Variants in DHX38 observed in about 807,000 individuals in gnomAD.
DHX38 encodes the protein pre-mRNA-splicing factor ATP-dependent RNA helicase PRP16.
A neutral mutation model predicts 153.1 loss-of-function variants in DHX38; 100 were observed. The ratio of observed to expected loss-of-function variants is 0.65; its 90% confidence interval spans 0.56 to 0.77. The LOEUF is 0.77. Ranked by LOEUF, DHX38 falls within the 30% of genes least tolerant of loss-of-function variation. The pLI is 0.00. For synonymous variants in DHX38, 650 were observed against 631.7 expected (o/e 1.03, Z -0.43); for missense variants, 1,440 against 1,654.0 (o/e 0.87, Z 2.24).
intron 3 of DHX38, 40 bp downstream of exon 3, chr16:72,097,049 C>A: frequency 6.5e-7 from 1 of 1,549,588 alleles, no homozygotes; most frequent in South Asian, 1.2e-5. Flanking sequence ...CATTAGCATT[C>A]GAATAAATGT....
At chr16:72,111,345 G>A (rs770080964) in intron 26 of DHX38, among the ~76,000 whole-genome samples, 5 of 152,218 alleles carry the variant, frequency 3.3e-5, no homozygotes, top group African/African-American at 7.2e-5. Context: ...ACTCATGAGC[G>A]AGGGGGTTGG....
In DHX38 at chr16:72,098,748, G is replaced by A. The variant is rs1306400358; in HGVS notation, c.720G>A (p.Arg240=). ...WESPSPTPSY[R]DSERSHRLST... is the part of the protein sequence containing the mutation. ...CGCCCTCCCCGACGCCTTCCTATCG[G>A]GATTCTGAGCGGAGCCATCGGCTGT... The change falls in exon 5 of 27, where the codon CGG becomes CGA. Residue 240 remains arginine (R), a synonymous_variant. Coordinates refer to ENST00000268482, the MANE Select transcript of DHX38 (RefSeq NM_014003.4). The A allele has an allele frequency of 1.2e-6, 2 of 1,614,194 alleles. No individual in the cohort carries two copies.
intron 9 of DHX38, among the ~76,000 whole-genome samples, chr16:72,100,798 G>T (rs1293749473): frequency 6.6e-6 from 1 of 152,204 alleles, no homozygotes; most frequent in Non-Finnish European, 1.5e-5. Flanking sequence ...GTGGTGGCAG[G>T]CACCTGTAGT....
chr16:72,100,398 G>A (rs564808127), intron 8 of DHX38, 38 bp from the exon 9 acceptor site: 3 of 1,605,282 alleles, frequency 1.9e-6, no homozygotes, highest in Middle Eastern at 1.7e-4. Flanking sequence ...GACCTTTGGG[G>A]TGGCAATTTG....
chr16:72,112,642 C>A lies in DHX38; in HGVS notation c.*145C>A. 1.2e-6 allele frequency: 1 copy of A among 867,354 alleles called. No homozygotes were observed. Among genetic ancestry groups the A allele is most frequent in the Non-Finnish European group, 1.9e-6 (1 of 534,852 alleles). The allele number at this position is 867,354 out of a possible 1,614,324, so 53.7% of individuals were successfully genotyped here. ...CCCCCCAGGGCAGTTCCTGCTGGAC[C>A]AGACTCTCTGGCAGAGGAGGTGGAG... is the stretch of plus-strand genomic sequence containing the variant. On this transcript the variant is annotated 3_prime_UTR_variant, in exon 27 of 27. Coordinates refer to ENST00000268482, the MANE Select transcript of DHX38 (RefSeq NM_014003.4).
At chr16:72,111,984 A>G (rs953650543) in intron 26 of DHX38, among the ~76,000 whole-genome samples, 1 of 152,130 alleles carries the variant, frequency 6.6e-6, no homozygotes, top group African/African-American at 2.4e-5. Flanking sequence ...ACCAAGAGTC[A>G]CCTCATTAGC....
intron 10 of DHX38, 38 bp from the exon 11 acceptor site, chr16:72,101,462 G>A: frequency 1.3e-6 from 2 of 1,534,028 alleles, no homozygotes; most frequent in Admixed American, 2.0e-5. Flanking sequence ...TCGCAGTCAT[G>A]TGGCAGGATG....
At chr16:72,102,960 C>G in intron 11 of DHX38, 114 bp from the exon 12 acceptor site, 5 of 1,461,136 alleles carry the variant, frequency 3.4e-6, no homozygotes, top group Non-Finnish European at 3.7e-6. Flanking sequence ...GCTTTGGTGT[C>G]TCAGACTCTT....
In DHX38 at chr16:72,104,995, T is replaced by G; in HGVS notation, c.2152-32T>G. The G allele has an allele frequency of 6.2e-7, 1 of 1,604,416 alleles. No individual in the cohort carries two copies. The highest frequency in any genetic ancestry group is 8.5e-7 in the Non-Finnish European group (1 of 1,173,204). On this transcript the variant is annotated intron_variant, in intron 15 of 26. Coordinates refer to ENST00000268482, the MANE Select transcript of DHX38 (RefSeq NM_014003.4). The surrounding 1 kb of genome is among the most constrained non-coding windows in gnomAD (Gnocchi z 4.5). The stretch of plus-strand genomic sequence containing the variant: ...ATGCCCGGCCTGCGCTTCTAGTACC[T>G]CCCTCTGACTGTGTCCCCACTGCTG...
Position 72,096,222 on chromosome 16 carries a change from T to C in DHX38, c.65T>C (p.Val22Ala). 1 of 1,614,000 alleles carries C rather than the reference T, an allele frequency of 6.2e-7. No individual in the cohort carries two copies. The highest frequency in any genetic ancestry group is 1.3e-5 in the African/African-American group (1 of 75,018). ...GAAGGCACTGATCTGGACTGTCAGG[T>C]TGGTGGTCTTATTTGCAAGTCCAAA... ...RLEGTDLDCQ[V>A]GGLICKSKSA... The change falls in exon 2 of 27, where the codon GTT (valine) becomes GCT (alanine). Residue 22 changes from valine (V) to alanine (A), a missense_variant. Transcript: ENST00000268482.
Position 72,108,582 on chromosome 16 carries a change from A to T in DHX38, c.3230A>T (p.Tyr1077Phe), listed in dbSNP as rs2042215591. The change falls in exon 23 of 27, where the codon TAT becomes TTT. Residue 1077 changes from tyrosine to phenylalanine, a missense_variant. Transcript: ENST00000268482. ...DIVRKCICAA[Y>F]FHQAAKLKGI... ...GTCAGGAAGTGCATCTGTGCTGCCT[A>T]TTTCCACCAAGCAGCCAAGCTCAAG... 1 of 1,613,840 alleles carries T rather than the reference A, an allele frequency of 6.2e-7. No individual in the cohort carries two copies. The highest frequency in any genetic ancestry group is 1.7e-5 in the Admixed American group (1 of 59,986).
Position 72,100,436 on chromosome 16 carries a change from G to A in DHX38, c.1117G>A (p.Asp373Asn). The A allele has an allele frequency of 6.2e-7, 1 of 1,613,842 alleles. No homozygotes were observed. Among genetic ancestry groups the A allele is most frequent in the Non-Finnish European group, 8.5e-7 (1 of 1,179,824 alleles). The change falls in exon 9 of 27, where the codon GAT (aspartate) becomes AAT (asparagine). Residue 373 changes from aspartate to asparagine, a missense_variant and splice_region_variant. Asp to Asn is a conservative substitution (Grantham distance 23, BLOSUM62 1). Transcript: ENST00000268482. ...TGTGGCTCCCATTGTGTCCTCACAG[G>A]ATAACGAGCGCTGGGAGACAAACCG... ...ISAQRRQINE[D>N]NERWETNRML...
Position 72,096,305 on chromosome 16 carries a change from G to C in DHX38, c.148G>C (p.Gly50Arg). ...KAPAPRPSLL[G>R]LDLLASLKRR... ...TCCTGCTCCCCGCCCTTCATTACTC[G>C]GACTGGACTTGCTGGCTTCCCTGAA... The change falls in exon 2 of 27, where the codon GGA (glycine) becomes CGA (arginine). Residue 50 changes from glycine to arginine, a missense_variant. Physicochemically the swap from Gly to Arg is moderately radical, Grantham distance 125. Around this residue, in one of 6 missense-constraint regions of DHX38, gnomAD observed 483 missense variants for 465.1 expected, o/e 1.04. Coordinates refer to ENST00000268482, the MANE Select transcript of DHX38 (RefSeq NM_014003.4). 1 of 1,614,166 alleles carries C rather than the reference G, an allele frequency of 6.2e-7. No individual in the cohort carries two copies. The highest frequency in any genetic ancestry group is 8.5e-7 in the Non-Finnish European group (1 of 1,180,022).
At position 72,112,677 on chromosome 16, in the gene DHX38, G is replaced by A. The variant is rs1255544844; in HGVS notation, c.*180G>A. On this transcript the variant is annotated 3_prime_UTR_variant, in exon 27 of 27. Transcript: ENST00000268482. ...GGCAGAGGAGGTGGAGTTCTTCCAT[G>A]CAGGAGCACGGCATGGCGGGAGCGG... 5.4e-5 allele frequency: 40 copies of A among 737,014 alleles called. No homozygotes were observed. Among genetic ancestry groups the A allele is most frequent in the Non-Finnish European group, 9.6e-5 (40 of 416,284 alleles). 45.7% of individuals were successfully genotyped at this position (737,014 alleles called of 1,614,324 possible).
Position 72,098,758 on chromosome 16 carries a change from C to A in DHX38, c.730C>A (p.Arg244=). ...SPTPSYRDSE[R]SHRLSTRDRD... is the part of the protein sequence containing the mutation. ...GACGCCTTCCTATCGGGATTCTGAG[C>A]GGAGCCATCGGCTGTCCACTCGAGA... The change falls in exon 5 of 27, where the codon CGG becomes AGG. Residue 244 remains arginine (R), a synonymous_variant. Transcript: ENST00000268482. The A allele has an allele frequency of 6.2e-7, 1 of 1,614,128 alleles. No individual in the cohort carries two copies. Among genetic ancestry groups the A allele is most frequent in the East Asian group, 2.2e-5 (1 of 44,868 alleles).
chr16:72,098,640 C>T lies in DHX38; in HGVS notation c.617-5C>T. On this transcript the variant is annotated splice_polypyrimidine_tract_variant and splice_region_variant and intron_variant, in intron 4 of 26. Transcript: ENST00000268482. ...TTTCCTGTGGATGTGTCTTTTGTGGCCCAGATGCAGCCACCCCTTCAAGGT... is the reference window on the plus strand; with the variant it reads ...TTTCCTGTGGATGTGTCTTTTGTGGTCCAGATGCAGCCACCCCTTCAAGGT... The T allele has an allele frequency of 6.2e-7, 1 of 1,613,578 alleles. No individual in the cohort carries two copies. Among genetic ancestry groups the T allele is most frequent in the Middle Eastern group, 1.7e-4 (1 of 6,058 alleles).
chr16:72,103,874 C>T (rs571471641), intron 13 of DHX38, 72 bp from the exon 14 acceptor site: 19 of 1,601,402 alleles, frequency 1.2e-5, no homozygotes, highest in African/African-American at 9.4e-5. Context: ...TGCTAAGACT[C>T]GGACCCCAGT....
rs2042216319 is a variant in DHX38 at position 72,108,622 on chromosome 16, C to T, written c.3255+15C>T. ...CCAAGCTCAAGGTGAACCCAGGAGC[C>T]CAGTGAGCCCCTCCCAGCCTGATAC... On this transcript the variant is annotated intron_variant, in intron 23 of 26. Coordinates refer to ENST00000268482, the MANE Select transcript of DHX38 (RefSeq NM_014003.4). 6.2e-7 allele frequency: 1 copy of T among 1,611,502 alleles called. No homozygotes were observed. Among genetic ancestry groups the T allele is most frequent in the South Asian group, 1.1e-5 (1 of 90,832 alleles).
chr16:72,103,822 T>C (rs372107711), intron 13 of DHX38, 34 bp downstream of exon 13: 16 of 1,601,396 alleles, frequency 1.0e-5, no homozygotes, highest in Middle Eastern at 3.3e-4. Context: ...CATGTAGTTA[T>C]TCCCTAGTAG....
Sources: gnomAD v4.1 joint callset for allele counts (sites outside exome capture counted in the v4.1 genomes callset) on GRCh38, gnomAD v4.1.1 for gene constraint, gnomAD v4.1.1 regional missense constraint, Gnocchi (gnomAD v3.1) non-coding constraint, MANE v1.5 for transcripts, NCBI Gene and HGNC (gene_info 2026-07-23, HGNC 2026-07-21) for gene names.